The following NFIB variants were observed in gnomAD, a reference collection of about 807,000 sequenced individuals.
The protein encoded by NFIB is nuclear factor 1 B-type.
In NFIB, 11 loss-of-function variants were observed where a neutral mutation model predicts 61.5. The ratio of observed to expected loss-of-function variants is 0.18; its 90% CI spans 0.11 to 0.30. The LOEUF (loss-of-function observed/expected upper bound fraction) is 0.30. Among genes scored for constraint, NFIB ranks in the 10% least tolerant of loss-of-function variants. The probability of loss-of-function intolerance (pLI) is 1.00; values close to 1 mark genes in which losing one functional copy is unlikely to be tolerated. For synonymous variants in NFIB, 260 were observed against 216.5 expected, an observed-to-expected ratio of 1.20 and a Z score of -1.76; for missense variants, 471 against 608.9, an observed-to-expected ratio of 0.77 and a Z score of 2.38.
chr9:14,324,748 ATTATC>A (rs1247393183), intron 1 of NFIB, among the ~76,000 whole-genome samples: 5 of 152,016 alleles, frequency 3.3e-5, no homozygotes, highest in African/African-American at 4.8e-5. Context: ...GCTTTCATAT[ATTATC>A]TTTTTTTATT....
At chr9:14,457,349 G>C in the NFIB span, among the ~76,000 whole-genome samples, 539 of 152,212 alleles carry the variant, frequency 3.5e-3, 4 homozygotes, top group African/African-American at 0.012. Context: ...GTTTGAACGA[G>C]TTGATGTCAA....
At chr9:14,231,135 AATATATATATATATATAT>A (rs1554681460) in intron 2 of NFIB, among the ~76,000 whole-genome samples, 1 of 35,344 alleles carries the variant, frequency 2.8e-5, no homozygotes, top group South Asian at 1.8e-3. Context: ...AAAAAAAAAA[AATATATATATATATATAT>A]ATATATATAT....
chr9:14,237,275 C>T (rs1393706554), intron 2 of NFIB, among the ~76,000 whole-genome samples: 1 of 152,164 alleles, frequency 6.6e-6, no homozygotes, highest in Non-Finnish European at 1.5e-5. Context: ...CTCTTTAGAG[C>T]CAATTTCTTT....
chr9:14,184,988 T>C (rs2131494508), intron 2 of NFIB, among the ~76,000 whole-genome samples: 1 of 152,282 alleles, frequency 6.6e-6, no homozygotes, highest in Admixed American at 6.5e-5. Context: ...GGCTCATGTA[T>C]TCCAAACACC....
At chr9:14,148,820 A>G (rs543600579) in intron 5 of NFIB, among the ~76,000 whole-genome samples, 1 of 152,338 alleles carries the variant, frequency 6.6e-6, no homozygotes, top group Admixed American at 6.5e-5. Flanking sequence ...ATTTCTATCC[A>G]TGCTAAGCTT....
chr9:14,111,948 C>T (rs1178445094), intron 10 of NFIB, among the ~76,000 whole-genome samples: 1 of 152,114 alleles, frequency 6.6e-6, no homozygotes, highest in Non-Finnish European at 1.5e-5. Context: ...TTGAGAACTC[C>T]ACACCAAGCA....
Position 14,313,548 on chromosome 9 carries a change from A to C in NFIB, c.-37T>G. ...AAAACGCACTTTCCGGGAGATGCCC[A>C]AGAAAATCTTCGAGAAGCAAGAATT... is the stretch of plus-strand genomic sequence containing the variant. On this transcript the variant is annotated 5_prime_UTR_variant, in exon 1 of 11. Transcript: ENST00000380953. The surrounding 1 kb of genome is among the most constrained non-coding windows in gnomAD (Gnocchi z 4.5). 6.2e-7 allele frequency: 1 copy of C among 1,613,402 alleles called. No homozygotes were observed. The highest frequency in any genetic ancestry group is 1.1e-5 in the South Asian group (1 of 90,976).
the NFIB span, among the ~76,000 whole-genome samples, chr9:14,461,460 T>C: frequency 2.0e-5 from 3 of 152,204 alleles, no homozygotes; most frequent in Non-Finnish European, 4.4e-5. Context: ...ATCTTACAAA[T>C]CAGCCTCTAT....
chr9:14,400,983 T>A (rs1179196175), upstream of NFIB, among the ~76,000 whole-genome samples: 1 of 152,214 alleles, frequency 6.6e-6, no homozygotes, highest in Non-Finnish European at 1.5e-5. Flanking sequence ...CCCTCTTTGA[T>A]ATTTCACCCT....
intron 7 of NFIB, among the ~76,000 whole-genome samples, chr9:14,122,669 A>T (rs945659115): frequency 3.3e-5 from 5 of 152,208 alleles, no homozygotes; most frequent in Admixed American, 2.6e-4. Flanking sequence ...AGCTCATTTT[A>T]ACCATGATTT....
At chr9:14,528,608 C>T in the NFIB span, among the ~76,000 whole-genome samples, 2 of 152,018 alleles carry the variant, frequency 1.3e-5, no homozygotes, top group African/African-American at 4.8e-5. Flanking sequence ...TTAAAGTAAA[C>T]TTACAAATGT....
At chr9:14,520,532 T>C in the NFIB span, among the ~76,000 whole-genome samples, 1 of 152,222 alleles carries the variant, frequency 6.6e-6, no homozygotes, top group Non-Finnish European at 1.5e-5. Flanking sequence ...GATCACATTC[T>C]GCAAAACAGT....
chr9:14,471,223 C>T, the NFIB span, among the ~76,000 whole-genome samples: 112 of 152,306 alleles, frequency 7.4e-4, 1 homozygote, highest in Admixed American at 1.5e-3. Flanking sequence ...ATGACTAAAG[C>T]TCCAACTTCC....
At chr9:14,134,727 T>A (rs1458252481) in intron 6 of NFIB, among the ~76,000 whole-genome samples, 2 of 151,680 alleles carry the variant, frequency 1.3e-5, no homozygotes, top group Admixed American at 6.6e-5. Flanking sequence ...CGAATCCCCA[T>A]CTCTACTAAA....
chr9:14,427,517 G>C, the NFIB span, among the ~76,000 whole-genome samples: 1 of 152,096 alleles, frequency 6.6e-6, no homozygotes, highest in Non-Finnish European at 1.5e-5. Flanking sequence ...AGTCACCAGA[G>C]TTCATGTGCT....
chr9:14,358,239 A>C (rs1449932610), intron 1 of NFIB, among the ~76,000 whole-genome samples: 4 of 149,278 alleles, frequency 2.7e-5, no homozygotes, highest in African/African-American at 9.8e-5. Flanking sequence ...AAATAATTTT[A>C]TATTTATATA....
chr9:14,391,616 G>C (rs142482812), intron 1 of NFIB, among the ~76,000 whole-genome samples: 2 of 152,034 alleles, frequency 1.3e-5, no homozygotes, highest in African/African-American at 4.8e-5. Context: ...AAAATGCCTC[G>C]AGTGAGCACA....
the NFIB span, among the ~76,000 whole-genome samples, chr9:14,473,278 A>C: frequency 0.5 from 76,653 of 152,062 alleles, 19,556 homozygotes; most frequent in Middle Eastern, 0.61. Context: ...CAAGGGATAC[A>C]ATTTTTGACC....
intron 1 of NFIB, among the ~76,000 whole-genome samples, chr9:14,322,668 G>A (rs933644822): frequency 1.3e-5 from 2 of 152,128 alleles, no homozygotes; most frequent in Non-Finnish European, 2.9e-5. Flanking sequence ...ACCGAAAGGA[G>A]GAGCCGGGGG....
Sources: gnomAD v4.1 joint callset for allele counts (sites outside exome capture counted in the v4.1 genomes callset) on GRCh38, gnomAD v4.1.1 for gene constraint, Gnocchi (gnomAD v3.1) non-coding constraint, MANE v1.5 for transcripts, NCBI Gene and HGNC (gene_info 2026-07-23, HGNC 2026-07-21) for gene names.